Variants in NPAS3 observed in about 807,000 individuals in gnomAD.
NPAS3 encodes neuronal PAS domain-containing protein 3.
NPAS3 carries 14 observed loss-of-function variants against 73.1 expected under a neutral mutation model. The observed-to-expected ratio is 0.19, with a 90% CI of 0.13 to 0.30. The LOEUF is 0.30. Among genes scored for constraint, NPAS3 ranks in the 10% least tolerant of loss-of-function variants. The pLI is 1.00. For synonymous variants in NPAS3, 620 were observed against 541.5 expected, an observed-to-expected ratio of 1.14 and a Z score of -2.01; for missense variants, 1,096 against 1,250.0, an observed-to-expected ratio of 0.88 and a Z score of 1.86.
At position 33,544,236 on chromosome 14, in the gene NPAS3, G is replaced by A. The variant is rs138492907; in HGVS notation, c.469-15885G>A. Reference sequence around the variant, plus strand: ...TAGCTTGCTGCAGCCTTGAACTCCTGGGCTCAAGCATTCCTCGTACCTTGG... The same window carrying A: ...TAGCTTGCTGCAGCCTTGAACTCCTAGGCTCAAGCATTCCTCGTACCTTGG... On this transcript the variant is annotated intron_variant, in intron 4 of 11. Transcript: ENST00000356141. Among the ~76,000 whole-genome samples the A allele has an allele frequency of 2.9e-4, 44 of 152,012 alleles. No homozygotes were observed. In the East Asian group the frequency reaches 8.6e-3, roughly 30 times the overall value.
chr14:33,457,726 C>T lies in NPAS3; in HGVS notation c.468+90458C>T, dbSNP rs536250561. Among the ~76,000 whole-genome samples the T allele has an allele frequency of 2.6e-5, 4 of 152,280 alleles. No homozygotes were observed. In the East Asian group the frequency reaches 5.8e-4, roughly 22 times the overall value. ...AATGACTGGGTCCTTCCAAATCCCT[C>T]GCTGTAGCCTTGCCCTTAGCGTGTG... On this transcript the variant is annotated intron_variant, in intron 4 of 11. Transcript: ENST00000356141.
intron 5 of NPAS3, among the ~76,000 whole-genome samples, chr14:33,652,172 A>G (rs910989410): frequency 1.3e-5 from 2 of 152,154 alleles, no homozygotes; most frequent in African/African-American, 2.4e-5. Context: ...GAATATTTGT[A>G]TGTATTCTCA....
intron 6 of NPAS3, among the ~76,000 whole-genome samples, chr14:33,726,730 G>A (rs6571612): frequency 0.74 from 113,255 of 152,132 alleles, 42,154 homozygotes; most frequent in Non-Finnish European, 0.77. Flanking sequence ...GTAACTGAAC[G>A]AATAACTGAA....
intron 4 of NPAS3, among the ~76,000 whole-genome samples, chr14:33,395,394 A>G (rs2047177610): frequency 7.2e-6 from 1 of 138,420 alleles, no homozygotes; most frequent in Non-Finnish European, 1.5e-5. Flanking sequence ...TTATTACTAC[A>G]TCATAGTTCA....
intron 2 of NPAS3, among the ~76,000 whole-genome samples, chr14:33,090,032 C>T (rs2042171076): frequency 6.6e-6 from 1 of 152,172 alleles, no homozygotes; most frequent in Admixed American, 6.5e-5. Context: ...CACTACTAAC[C>T]ACTGCAAAAA....
At chr14:33,172,814 T>G (rs1367555951) in intron 2 of NPAS3, among the ~76,000 whole-genome samples, 3 of 152,154 alleles carry the variant, frequency 2.0e-5, no homozygotes, top group Non-Finnish European at 2.9e-5. Context: ...AAAAATTGTC[T>G]ACTTAATAAA....
intron 1 of NPAS3, among the ~76,000 whole-genome samples, chr14:32,954,386 G>C (rs78533812): frequency 0.013 from 2,011 of 151,980 alleles, 42 homozygotes; most frequent in African/African-American, 0.045. Context: ...CTTTACATTA[G>C]ATCGCTTAAA....
chr14:33,622,657 T>G lies in NPAS3; in HGVS notation c.559-53554T>G, dbSNP rs1029004127. Among the ~76,000 whole-genome samples, 5 of 152,340 alleles carry G rather than the reference T, an allele frequency of 3.3e-5. No individual in the cohort carries two copies. The East Asian group carries it at 9.6e-4, about 29-fold the overall frequency. On this transcript the variant is annotated intron_variant, in intron 5 of 11. Coordinates refer to ENST00000356141, the Ensembl canonical transcript of NPAS3. ...TGGCCTTAGTTATTCCCATCCAGAT[T>G]GCAGCTCAGGAAATGTATTGAGACG...
At chr14:32,998,989 G>T (rs1375195708) in intron 1 of NPAS3, among the ~76,000 whole-genome samples, 1 of 152,160 alleles carries the variant, frequency 6.6e-6, no homozygotes, top group Non-Finnish European at 1.5e-5. Flanking sequence ...CTTCATCAGG[G>T]CTGGAACCAC....
chr14:33,011,867 G>T (rs1014565530), intron 1 of NPAS3, among the ~76,000 whole-genome samples: 1 of 152,216 alleles, frequency 6.6e-6, no homozygotes, highest in Non-Finnish European at 1.5e-5. Context: ...GTTTGTGGCA[G>T]ACATGAATAA....
rs576182015 is a variant in NPAS3, at chr14:33,160,986, A to C, written c.141-54196A>C. Among the ~76,000 whole-genome samples the C allele has an allele frequency of 7.9e-5, 12 of 152,358 alleles. No homozygotes were observed. In the East Asian group the frequency reaches 1.7e-3, roughly 22 times the overall value. On this transcript the variant is annotated intron_variant, in intron 2 of 11. Transcript: ENST00000356141. ...ACTGAGCATACTTTGGACAGCTTCA[A>C]AGTTGAGTTAAATGTAAGTATTTTC...
chr14:33,648,484 A>G (rs1172793998), intron 5 of NPAS3, among the ~76,000 whole-genome samples: 1 of 152,246 alleles, frequency 6.6e-6, no homozygotes, highest in Non-Finnish European at 1.5e-5. Context: ...CCTAGAAAGG[A>G]AGGCTTTATG....
intron 1 of NPAS3, among the ~76,000 whole-genome samples, chr14:32,952,496 G>T (rs2036522204): frequency 6.6e-6 from 1 of 151,954 alleles, no homozygotes; most frequent in African/African-American, 2.4e-5. Flanking sequence ...CCTTTAGTGT[G>T]CCCTTGCTTG....
At chr14:33,607,435 A>C (rs1180749998) in intron 5 of NPAS3, among the ~76,000 whole-genome samples, 2 of 152,072 alleles carry the variant, frequency 1.3e-5, no homozygotes, top group African/African-American at 2.4e-5. Flanking sequence ...GATTCCATAT[A>C]TATAAAATTC....
intron 2 of NPAS3, among the ~76,000 whole-genome samples, chr14:33,204,468 T>C (rs2046747085): frequency 6.6e-6 from 1 of 152,136 alleles, no homozygotes; most frequent in Non-Finnish European, 1.5e-5. Context: ...TGGCAGCTTC[T>C]TAACCCAGAC....
intron 11 of NPAS3, among the ~76,000 whole-genome samples, chr14:33,797,830 GGATA>G (rs1437689694): frequency 2.0e-5 from 3 of 150,268 alleles, no homozygotes; most frequent in Non-Finnish European, 3.0e-5. Flanking sequence ...ATGTAGTGCT[GGATA>G]AATACATCTG....
Position 33,618,913 on chromosome 14 carries a change from A to G in NPAS3, c.559-57298A>G, listed in dbSNP as rs2058001513. On this transcript the variant is annotated intron_variant, in intron 5 of 11. Coordinates refer to ENST00000356141, the Ensembl canonical transcript of NPAS3. ...GAAGGATTTGAGTAAGGCAGTAAAA[A>G]TGTAGAAAGAGAAGCAGTGAGGTGC... is the stretch of plus-strand genomic sequence containing the variant. Among the ~76,000 whole-genome samples, 4 of 152,238 alleles carry G rather than the reference A, an allele frequency of 2.6e-5. No individual in the cohort carries two copies. The South Asian group carries it at 8.3e-4, about 32-fold the overall frequency.
intron 4 of NPAS3, among the ~76,000 whole-genome samples, chr14:33,517,060 A>T (rs1464543504): frequency 6.6e-6 from 1 of 152,128 alleles, no homozygotes; most frequent in Non-Finnish European, 1.5e-5. Context: ...GACATGGTTG[A>T]TGGAGGAAAT....
At chr14:33,168,738 C>T (rs1417905168) in intron 2 of NPAS3, among the ~76,000 whole-genome samples, 1 of 150,922 alleles carries the variant, frequency 6.6e-6, no homozygotes, top group African/African-American at 2.4e-5. Flanking sequence ...ACACCTATGT[C>T]CTCTTCCCCT....
Sources: gnomAD v4.1 joint callset for allele counts (sites outside exome capture counted in the v4.1 genomes callset) on GRCh38, gnomAD v4.1.1 for gene constraint, MANE v1.5 for transcripts, NCBI Gene and HGNC (gene_info 2026-07-23, HGNC 2026-07-21) for gene names.